The following ZNF454 variants were observed in gnomAD, a reference collection of about 807,000 sequenced individuals.
ZNF454 encodes zinc finger protein 454.
A neutral mutation model predicts 48.2 loss-of-function variants in ZNF454; 30 were observed. That is an observed-to-expected ratio of 0.62 (90% CI 0.47 to 0.84). ZNF454 has a LOEUF of 0.84. Ranked by LOEUF, ZNF454 falls within the 40% of genes least tolerant of loss-of-function variation. The probability of loss-of-function intolerance (pLI) is 0.00; values close to 1 mark genes in which losing one functional copy is unlikely to be tolerated. For missense variants in ZNF454, 510 were observed against 623.1 expected (o/e 0.82, Z 1.93); for synonymous variants, 204 against 211.4 (o/e 0.97, Z 0.30).
At chr5:178,986,106 GC>G in the ZNF454 span, 1 of 1,607,368 alleles carries the variant, frequency 6.2e-7, no homozygotes, top group South Asian at 1.1e-5. Context: ...CCCTGCCCTG[GC>G]CCTTGGGAGC....
At chr5:178,948,235 C>G (rs1413732803) in intron 4 of ZNF454, 2 of 149,936 alleles carry the variant, frequency 1.3e-5, no homozygotes, top group African/African-American at 5.1e-5. Context: ...AATCTTAACT[C>G]TAAAACTCAG....
intron 4 of ZNF454, among the ~76,000 whole-genome samples, chr5:178,954,145 C>G (rs1759660170): frequency 6.6e-6 from 1 of 152,068 alleles, no homozygotes; most frequent in Non-Finnish European, 1.5e-5. Context: ...GTAATCCCAG[C>G]TACTCGGAAG....
At position 178,966,278 on chromosome 5, in the gene ZNF454, T is replaced by TA. The variant is rs1760152749; in HGVS notation, c.*311dup. 5.3e-6 allele frequency: 1 copy of TA among 189,200 alleles called. No homozygotes were observed. The highest frequency in any genetic ancestry group is 2.4e-5 in the African/African-American group (1 of 42,472). The allele number at this position is 189,200 out of a possible 1,614,324, so 11.7% of individuals were successfully genotyped here. Reference sequence around the variant, plus strand: ...TGAAACCCCATCGCTACTAAAAATATAAAAAATTACCCGGGCATGGTGGTG... The same window carrying TA: ...TGAAACCCCATCGCTACTAAAAATATAAAAAAATTACCCGGGCATGGTGGTG... On this transcript the variant is annotated 3_prime_UTR_variant, in exon 5 of 5. Transcript: ENST00000519564.
the ZNF454 span, among the ~76,000 whole-genome samples, chr5:178,972,288 T>A: frequency 1.4e-4 from 21 of 152,332 alleles, no homozygotes; most frequent in African/African-American, 4.6e-4. Context: ...TTCACAACTA[T>A]TTTATGACTA....
At position 178,944,962 on chromosome 5, in the gene ZNF454, C is replaced by T. The variant is rs1759251438; in HGVS notation, c.34-1397C>T. On this transcript the variant is annotated intron_variant, in intron 2 of 4. Transcript: ENST00000519564. This position sits in a 1 kb window ranked among gnomAD's most constrained non-coding sequence, Gnocchi z 4.1. ...AGTTCTAATCAGAAGGAACAAGTTT[C>T]CTATTGTGCAGAATGACTGGTTCCA... Among the ~76,000 whole-genome samples, 2 of 151,818 alleles carry T rather than the reference C, an allele frequency of 1.3e-5. No homozygotes were observed. The highest frequency in any genetic ancestry group is 1.5e-5 in the Non-Finnish European group (1 of 68,012).
downstream of ZNF454, among the ~76,000 whole-genome samples, chr5:178,970,618 C>T (rs768099759): frequency 2.6e-5 from 4 of 152,086 alleles, no homozygotes; most frequent in Non-Finnish European, 5.9e-5. Context: ...CCCACCACCA[C>T]GCCCGGCTAA....
At chr5:178,987,400 A>G in the ZNF454 span, 1 of 460,444 alleles carries the variant, frequency 2.2e-6, no homozygotes, top group Non-Finnish European at 4.4e-6. Flanking sequence ...CACAAGATGA[A>G]AGCAACCCGA....
intron 2 of ZNF454, among the ~76,000 whole-genome samples, chr5:178,945,719 G>A (rs1305269296): frequency 2.0e-5 from 3 of 151,724 alleles, no homozygotes; most frequent in Non-Finnish European, 4.4e-5. Flanking sequence ...ATGGGTGTGT[G>A]TGTGTGTTGA....
rs1310556584 is a variant in ZNF454, at chr5:178,965,067, TG to T, written c.666del (p.Ala224ProfsTer32). On this transcript the variant is annotated frameshift_variant, in exon 5 of 5. Transcript: ENST00000519564. LOFTEE classifies it high-confidence loss of function. This position sits in a 1 kb window ranked among gnomAD's most constrained non-coding sequence, Gnocchi z 5.2. Reference sequence around the variant, plus strand: ...AGAAAAGATATGAATGTAGAGAATGTGGGAAAGCCTTTCACCAGAGTACGCA... The same window carrying T: ...AGAAAAGATATGAATGTAGAGAATGTGGAAAGCCTTTCACCAGAGTACGCA... Reference protein sequence around the residue: ...KEKRYECRECGKAFHQSTHLI... With the variant: ...KEKRYECRECXKAFHQSTHLI... The T allele has an allele frequency of 6.2e-7, 1 of 1,614,182 alleles. No individual in the cohort carries two copies. Among genetic ancestry groups the T allele is most frequent in the South Asian group, 1.1e-5 (1 of 91,080 alleles).
At chr5:178,981,829 G>A in the ZNF454 span, 1 of 1,612,744 alleles carries the variant, frequency 6.2e-7, no homozygotes, top group Non-Finnish European at 8.5e-7. This position sits in a 1 kb window ranked among gnomAD's most constrained non-coding sequence, Gnocchi z 5.1. Context: ...CAAGGACACG[G>A]TTAGCGTGGT....
Position 178,965,314 on chromosome 5 carries a change from A to G in ZNF454, c.910A>G (p.Ile304Val). The G allele has an allele frequency of 6.2e-7, 1 of 1,614,172 alleles. No individual in the cohort carries two copies. Among genetic ancestry groups the G allele is most frequent in the Non-Finnish European group, 8.5e-7 (1 of 1,180,028 alleles). Residue 304 changes from isoleucine (I) to valine (V), a missense_variant, in exon 5 of 5, where the codon ATT (isoleucine) becomes GTT (valine). By Grantham distance (29) the Ile-to-Val change is conservative. Around this residue, in one of 3 missense-constraint regions of ZNF454, gnomAD observed 354 missense variants for 408.9 expected, o/e 0.87. Coordinates refer to ENST00000519564, the MANE Select transcript of ZNF454 (RefSeq NM_001178089.3). This position sits in a 1 kb window ranked among gnomAD's most constrained non-coding sequence, Gnocchi z 5.2. Reference protein sequence around the residue: ...HTGEKPFKCNICEKAFVCRAH... With the variant: ...HTGEKPFKCNVCEKAFVCRAH... Reference sequence around the variant, plus strand: ...TGGAGAGAAACCTTTTAAATGTAACATTTGTGAAAAAGCCTTTGTGTGCAG... The same window carrying G: ...TGGAGAGAAACCTTTTAAATGTAACGTTTGTGAAAAAGCCTTTGTGTGCAG...
the ZNF454 span, among the ~76,000 whole-genome samples, chr5:178,988,212 A>G: frequency 1.3e-5 from 2 of 152,202 alleles, no homozygotes; most frequent in Non-Finnish European, 2.9e-5. This position sits in a 1 kb window ranked among gnomAD's most constrained non-coding sequence, Gnocchi z 6.0. Flanking sequence ...TCTGAGTGAC[A>G]GTATGAAATT....
At chr5:178,952,855 A>C (rs1333564442) in intron 4 of ZNF454, among the ~76,000 whole-genome samples, 1 of 151,676 alleles carries the variant, frequency 6.6e-6, no homozygotes, top group Non-Finnish European at 1.5e-5. Context: ...TTATTTTATT[A>C]ATTTTTGTTC....
chr5:178,985,315 C>G, the ZNF454 span: 22 of 454,294 alleles, frequency 4.8e-5, no homozygotes, highest in Non-Finnish European at 8.4e-5. Flanking sequence ...CCTGACTGCC[C>G]CGTTTTCCTT....
chr5:178,942,824 G>C lies in ZNF454; in HGVS notation c.33G>C (p.Gln11His). 6.2e-7 allele frequency: 1 copy of C among 1,612,482 alleles called. No individual in the cohort carries two copies. The highest frequency in any genetic ancestry group is 8.5e-7 in the Non-Finnish European group (1 of 1,179,454). Residue 11 changes from glutamine to histidine, a missense_variant and splice_region_variant, in exon 2 of 5, where the codon CAG (glutamine) becomes CAC (histidine). By Grantham distance (24) the Gln-to-His change is conservative (BLOSUM62 0). Coordinates refer to ENST00000519564, the MANE Select transcript of ZNF454 (RefSeq NM_001178089.3). MAVSHLPTMV[Q>H]ESVTFKDVAI... Reference sequence around the variant, plus strand: ...TCAGCCACCTGCCAACCATGGTCCAGGTGAGTGGGGGTTTCTTCCCCCTAA... The same window carrying C: ...TCAGCCACCTGCCAACCATGGTCCACGTGAGTGGGGGTTTCTTCCCCCTAA...
chr5:178,967,019 C>G (rs773878245), downstream of ZNF454, among the ~76,000 whole-genome samples: 1 of 152,178 alleles, frequency 6.6e-6, no homozygotes, highest in Admixed American at 6.5e-5. Context: ...ACACCCAAAT[C>G]CAGCCTTCAG....
intron 4 of ZNF454, among the ~76,000 whole-genome samples, chr5:178,959,366 T>A (rs1282208189): frequency 6.6e-6 from 1 of 152,212 alleles, no homozygotes; most frequent in African/African-American, 2.4e-5. Context: ...TCTCTTTCAT[T>A]CTTTCTGTCT....
the ZNF454 span, chr5:178,982,771 G>A: frequency 1.5e-6 from 1 of 677,874 alleles, no homozygotes; most frequent in Non-Finnish European, 2.7e-6. Flanking sequence ...AATGAACAAA[G>A]TAAGAAGGGA....
At chr5:178,966,671 A>T (rs911100012), downstream of ZNF454, among the ~76,000 whole-genome samples, 2 of 152,036 alleles carry the variant, frequency 1.3e-5, no homozygotes, top group African/African-American at 2.4e-5. Context: ...CGAGCGTTGC[A>T]CTCTACTAGA....
Sources: allele counts gnomAD v4.1 joint callset (sites outside exome capture counted in the v4.1 genomes callset), GRCh38; gene constraint gnomAD v4.1.1; regional missense constraint gnomAD v4.1.1; non-coding constraint Gnocchi (gnomAD v3.1); transcripts MANE v1.5; gene names NCBI Gene and HGNC (gene_info 2026-07-23, HGNC 2026-07-21).